Variants in EPM2A observed in about 807,000 individuals in gnomAD.
EPM2A encodes the protein laforin.
Under a neutral mutation model 26.5 loss-of-function variants are expected in EPM2A, and 21 were observed. The observed-to-expected ratio is 0.79, with a 90% CI of 0.56 to 1.14. The LOEUF is 1.14. Ranked by LOEUF, EPM2A falls within the 50% of genes most tolerant of loss-of-function variation. The probability of loss-of-function intolerance (pLI) is 0.00; values close to 1 mark genes in which losing one functional copy is unlikely to be tolerated. For synonymous variants in EPM2A, 217 were observed against 177.6 expected (o/e 1.22, Z -1.76); for missense variants, 458 against 440.8 (o/e 1.04, Z -0.35).
rs113533178 is a variant in EPM2A at position 145,493,429 on chromosome 6, G to A, written c.555+9093C>T. On this transcript the variant is annotated intron_variant, in intron 4 of 4. Coordinates refer to the EPM2A transcript ENST00000638717. ...TTCTAGATATAGGATCATGTCATCC[G>A]CAAACAGAGATAGTTTGACTTCCTC... Among the ~76,000 whole-genome samples the A allele has an allele frequency of 4.2e-3, 637 of 152,262 alleles. 7 individuals are homozygous for A. The highest frequency in any genetic ancestry group is 0.014 in the African/African-American group (586 of 41,552).
chr6:145,551,717 C>T (rs1337446073), intron 2 of EPM2A, among the ~76,000 whole-genome samples: 1 of 151,848 alleles, frequency 6.6e-6, no homozygotes, highest in East Asian at 1.9e-4. Context: ...TCAATACTGA[C>T]CAAATATCTC....
At chr6:145,390,034 C>G (rs989362767) in intron 4 of EPM2A, among the ~76,000 whole-genome samples, 3 of 152,110 alleles carry the variant, frequency 2.0e-5, no homozygotes, top group Admixed American at 6.5e-5. Flanking sequence ...CAGAAACAGA[C>G]AGAGAGAGAC....
At chr6:145,481,614 G>T (rs936963692) in intron 4 of EPM2A, among the ~76,000 whole-genome samples, 4 of 152,040 alleles carry the variant, frequency 2.6e-5, no homozygotes, top group Non-Finnish European at 5.9e-5. Context: ...CCCAGGCCAA[G>T]ACCTGACTAC....
chr6:145,563,245 G>A (rs1780833829), intron 2 of EPM2A, among the ~76,000 whole-genome samples: 4 of 151,690 alleles, frequency 2.6e-5, no homozygotes, highest in Non-Finnish European at 1.5e-5. Flanking sequence ...CCAGAGGAGT[G>A]GGACTTGAAG....
chr6:145,520,380 C>G (rs1780187654), intron 2 of EPM2A, among the ~76,000 whole-genome samples: 1 of 152,142 alleles, frequency 6.6e-6, no homozygotes. Flanking sequence ...AAAGCCTTAT[C>G]TCCATCACTG....
At chr6:145,457,347 G>T (rs1407882509) in intron 4 of EPM2A, among the ~76,000 whole-genome samples, 1 of 151,904 alleles carries the variant, frequency 6.6e-6, no homozygotes, top group Non-Finnish European at 1.5e-5. Flanking sequence ...AGCAGGGCAT[G>T]GTGGTGGGTG....
At chr6:145,688,877 G>A (rs930266622) in intron 1 of EPM2A, among the ~76,000 whole-genome samples, 1 of 152,196 alleles carries the variant, frequency 6.6e-6, no homozygotes, top group African/African-American at 2.4e-5. Flanking sequence ...CTAGGAAATG[G>A]AATTGGATGG....
At position 145,710,520 on chromosome 6, in the gene EPM2A, G is replaced by GT. The variant is rs573603954; in HGVS notation, c.302-24225dup. ...AAATAGGAACACTTTTACACTGTTG[G>GT]TGGGACTGTAAACTAGTTCAACCCT... On this transcript the variant is annotated intron_variant, in intron 1 of 3. Coordinates refer to ENST00000367519, the MANE Select transcript of EPM2A (RefSeq NM_005670.4). 1.7e-3 allele frequency among the ~76,000 whole-genome samples: 252 copies of GT among 152,302 alleles called. 1 individual carries two copies. Among genetic ancestry groups the GT allele is most frequent in the South Asian group, 0.014 (66 of 4,826 alleles).
rs772607808 is a variant in EPM2A at position 145,722,773 on chromosome 6, A to C, written c.301+12425T>G. ...GGTAATTAGGGGTGGCCCCAATCCA[A>C]TATGATTAGTGCCTTTATAAGAAGA... On this transcript the variant is annotated intron_variant, in intron 1 of 3. Transcript: ENST00000367519. The C allele has an allele frequency of 1.0e-4, 47 of 453,806 alleles. 1 individual carries two copies. The highest frequency in any genetic ancestry group is 7.2e-4 in the South Asian group (46 of 64,030). 28.1% of individuals were successfully genotyped at this position (453,806 alleles called of 1,614,324 possible). A position where few individuals can be genotyped will look rare whatever the true frequency, so the allele number is the denominator to read the frequency against.
chr6:145,460,296 CAGA>C (rs1779313532), intron 4 of EPM2A, among the ~76,000 whole-genome samples: 1 of 152,060 alleles, frequency 6.6e-6, no homozygotes, highest in Non-Finnish European at 1.5e-5. Context: ...AGCCTTAAAC[CAGA>C]AGTAGAGAGA....
intron 4 of EPM2A, among the ~76,000 whole-genome samples, chr6:145,384,905 A>C (rs1778238167): frequency 6.8e-6 from 1 of 147,826 alleles, no homozygotes; most frequent in Non-Finnish European, 1.5e-5. Flanking sequence ...GTGAAGAGAT[A>C]AGACAACGAC....
At chr6:145,640,348 T>C (rs1046231781) in intron 2 of EPM2A, 4 of 152,196 alleles carry the variant, frequency 2.6e-5, no homozygotes, top group Non-Finnish European at 5.9e-5. Flanking sequence ...GAATAACCTT[T>C]TCCTAAAGGT....
intron 1 of EPM2A, among the ~76,000 whole-genome samples, chr6:145,698,286 C>T (rs1781726138): frequency 1.3e-5 from 2 of 152,158 alleles, no homozygotes; most frequent in South Asian, 2.1e-4. Flanking sequence ...GACAAATGTC[C>T]TTGAGACAGT....
chr6:145,430,157 A>G (rs978975258), intron 4 of EPM2A, among the ~76,000 whole-genome samples: 2 of 152,072 alleles, frequency 1.3e-5, no homozygotes, highest in Non-Finnish European at 2.9e-5. Context: ...GCACCATTGC[A>G]CTCCAGCCTG....
chr6:145,729,020 T>C (rs1458571875), intron 1 of EPM2A, among the ~76,000 whole-genome samples: 1 of 152,172 alleles, frequency 6.6e-6, no homozygotes, highest in African/African-American at 2.4e-5. Flanking sequence ...TATGTCTCAG[T>C]CCACTGCTCC....
At chr6:145,714,057 G>A (rs907779837) in intron 1 of EPM2A, among the ~76,000 whole-genome samples, 4 of 152,282 alleles carry the variant, frequency 2.6e-5, no homozygotes, top group Non-Finnish European at 1.5e-5. Context: ...AAGTGCATTC[G>A]TGTTTGCCTG....
chr6:145,400,264 C>A (rs1856261), intron 4 of EPM2A, among the ~76,000 whole-genome samples: 149,074 of 152,278 alleles, frequency 0.98, 72,981 homozygotes, highest in East Asian at 1. Context: ...AATAAAAACA[C>A]AATCCTAAGA....
At chr6:145,491,295 T>A (rs1375976938) in intron 4 of EPM2A, 1 of 348,712 alleles carries the variant, frequency 2.9e-6, no homozygotes, top group Admixed American at 4.1e-5. Flanking sequence ...TTGGAACCGG[T>A]TGCACTCAAC....
intron 4 of EPM2A, among the ~76,000 whole-genome samples, chr6:145,432,513 C>A (rs200199988): frequency 1.2e-5 from 1 of 80,592 alleles, no homozygotes; most frequent in Non-Finnish European, 3.0e-5. Flanking sequence ...TTTTTTTTTT[C>A]TGAACAGTAG....
Sources: gnomAD v4.1 joint callset for allele counts (sites outside exome capture counted in the v4.1 genomes callset) on GRCh38, gnomAD v4.1.1 for gene constraint, MANE v1.5 for transcripts, NCBI Gene and HGNC (gene_info 2026-07-23, HGNC 2026-07-21) for gene names.